The following PTPRR variants were observed in gnomAD, a reference collection of about 807,000 sequenced individuals.
PTPRR encodes the protein protein tyrosine phosphatase receptor type R, also known as receptor-type tyrosine-protein phosphatase R.
Under a neutral mutation model 77.2 loss-of-function variants are expected in PTPRR, and 38 were observed. The observed-to-expected ratio is 0.49, with a 90% CI of 0.38 to 0.65. The LOEUF (loss-of-function observed/expected upper bound fraction) is 0.65. PTPRR is among the 30% of genes least tolerant of loss of function. The pLI is 0.00. For missense variants in PTPRR, 744 were observed against 799.2 expected (o/e 0.93, Z 0.83); for synonymous variants, 299 against 283.1 (o/e 1.06, Z -0.57).
chr12:70,792,998 T>G (rs1210613774), intron 2 of PTPRR, among the ~76,000 whole-genome samples: 1 of 152,164 alleles, frequency 6.6e-6, no homozygotes. Flanking sequence ...AAAAGTTTAT[T>G]GAGACAATGT....
chr12:70,657,752 G>A (rs180743428), intron 12 of PTPRR, among the ~76,000 whole-genome samples: 24 of 152,196 alleles, frequency 1.6e-4, no homozygotes, highest in African/African-American at 4.8e-4. Context: ...TAGAAGTCTT[G>A]GAACCATCTT....
Position 70,735,166 on chromosome 12 carries a change from C to A in PTPRR, c.1007+10652G>T, listed in dbSNP as rs577446411. ...GGGCTTGTGCATGTTTCCAGTGCCT[C>A]CCTCAGCTCTGGACATCCCCATACA... On this transcript the variant is annotated intron_variant, in intron 6 of 13. Transcript: ENST00000283228. Among the ~76,000 whole-genome samples, 10 of 152,230 alleles carry A rather than the reference C, an allele frequency of 6.6e-5. No individual in the cohort carries two copies. In the South Asian group the frequency reaches 2.1e-3, roughly 32 times the overall value.
At position 70,727,847 on chromosome 12, in the gene PTPRR, G is replaced by A. The variant is rs553763759; in HGVS notation, c.1007+17971C>T. Among the ~76,000 whole-genome samples the A allele has an allele frequency of 7.9e-5, 12 of 152,278 alleles. No individual in the cohort carries two copies. The East Asian group carries it at 2.1e-3, about 27-fold the overall frequency. On this transcript the variant is annotated intron_variant, in intron 6 of 13. Coordinates refer to ENST00000283228, the MANE Select transcript of PTPRR (RefSeq NM_002849.4). ...GATTTCACTTGAACATGTTTAGCCCGAGCAGACTGTCTGAGTAAACAACTG... is the reference window on the plus strand; with the variant it reads ...GATTTCACTTGAACATGTTTAGCCCAAGCAGACTGTCTGAGTAAACAACTG...
intron 2 of PTPRR, among the ~76,000 whole-genome samples, chr12:70,765,010 G>A (rs1190930677): frequency 6.6e-6 from 1 of 152,146 alleles, no homozygotes; most frequent in Non-Finnish European, 1.5e-5. Context: ...TAGTTAAAAA[G>A]ATGTATTATA....
At chr12:70,771,989 A>C (rs1197703879) in intron 2 of PTPRR, among the ~76,000 whole-genome samples, 1 of 152,170 alleles carries the variant, frequency 6.6e-6, no homozygotes, top group African/African-American at 2.4e-5. Context: ...AATATTAAAG[A>C]ATTCCTAAAA....
intron 2 of PTPRR, among the ~76,000 whole-genome samples, chr12:70,888,018 A>ATTTGTGTGTGTGTC (rs1555183049): frequency 6.6e-6 from 1 of 150,868 alleles, no homozygotes; most frequent in Non-Finnish European, 1.5e-5. Context: ...GAATGTGTGT[A>ATTTGTGTGTGTGTC]TGTGTGTGTG....
At chr12:70,855,691 T>C (rs1273550339) in intron 2 of PTPRR, among the ~76,000 whole-genome samples, 1 of 152,178 alleles carries the variant, frequency 6.6e-6, no homozygotes, top group Admixed American at 6.6e-5. Context: ...CTCACTGAGA[T>C]ACTTTGAATA....
chr12:70,656,584 A>G, intron 13 of PTPRR, 120 bp downstream of exon 13: 1 of 679,298 alleles, frequency 1.5e-6, no homozygotes. Flanking sequence ...AGCATTTTAC[A>G]AGCATCTCTA....
intron 8 of PTPRR, among the ~76,000 whole-genome samples, chr12:70,689,241 A>G (rs78242620): frequency 6.6e-6 from 1 of 152,184 alleles, no homozygotes; most frequent in Non-Finnish European, 1.5e-5. Flanking sequence ...TATTAGCATG[A>G]TATGATCATT....
At chr12:70,665,072 T>C (rs888467570) in intron 10 of PTPRR, among the ~76,000 whole-genome samples, 1 of 152,154 alleles carries the variant, frequency 6.6e-6, no homozygotes, top group Non-Finnish European at 1.5e-5. Flanking sequence ...TTACAGATAA[T>C]ACTGTGAAAC....
At chr12:70,741,608 T>C (rs1890048791) in intron 6 of PTPRR, among the ~76,000 whole-genome samples, 1 of 152,112 alleles carries the variant, frequency 6.6e-6, no homozygotes, top group Non-Finnish European at 1.5e-5. Context: ...ATGGGCTTTG[T>C]GTTCTAAAGG....
At chr12:70,835,796 T>C (rs926376588) in intron 2 of PTPRR, among the ~76,000 whole-genome samples, 2 of 152,150 alleles carry the variant, frequency 1.3e-5, no homozygotes, top group Non-Finnish European at 2.9e-5. Context: ...AACATTTCAT[T>C]ATAAACATAA....
At chr12:70,747,573 G>A (rs966912169) in intron 5 of PTPRR, among the ~76,000 whole-genome samples, 1 of 152,164 alleles carries the variant, frequency 6.6e-6, no homozygotes, top group Non-Finnish European at 1.5e-5. Flanking sequence ...TCAATTTTAT[G>A]ATTTATATTA....
intron 10 of PTPRR, among the ~76,000 whole-genome samples, chr12:70,670,568 A>G (rs550774175): frequency 6.6e-6 from 1 of 152,366 alleles, no homozygotes; most frequent in Non-Finnish European, 1.5e-5. Flanking sequence ...GCTAGAAAAC[A>G]TCTTCCACTG....
At chr12:70,762,973 A>T (rs1000411507) in intron 3 of PTPRR, among the ~76,000 whole-genome samples, 2 of 152,110 alleles carry the variant, frequency 1.3e-5, no homozygotes, top group Admixed American at 1.3e-4. Context: ...AACAGCTATT[A>T]TGCTCATTAA....
intron 6 of PTPRR, among the ~76,000 whole-genome samples, chr12:70,732,566 T>C (rs530994965): frequency 6.6e-6 from 1 of 152,198 alleles, no homozygotes; most frequent in South Asian, 2.1e-4. Context: ...TTTTTTTTTG[T>C]TTGTTTTCCT....
At position 70,920,679 on chromosome 12, in the gene PTPRR, G is replaced by A. The variant is rs931154479; in HGVS notation, c.-289C>T. 16 of 369,198 alleles carry A rather than the reference G, an allele frequency of 4.3e-5. No individual in the cohort carries two copies. Among genetic ancestry groups the A allele is most frequent in the Non-Finnish European group, 8.3e-5 (16 of 192,810 alleles). 22.9% of individuals were successfully genotyped at this position (369,198 alleles called of 1,614,324 possible). The stretch of plus-strand genomic sequence containing the variant: ...GACGCCCAGAAGCCAAGGCGGAGAC[G>A]GCAGGGTGGACTCCGCGCCAGCCCA... On this transcript the variant is annotated 5_prime_UTR_variant, in exon 1 of 14. Transcript: ENST00000283228.
intron 2 of PTPRR, among the ~76,000 whole-genome samples, chr12:70,800,260 TTCTC>T (rs1040615567): frequency 6.6e-6 from 1 of 150,386 alleles, no homozygotes; most frequent in African/African-American, 2.4e-5. Context: ...AGACATACTG[TTCTC>T]TCTCTTTTTT....
At chr12:70,684,372 A>G in intron 9 of PTPRR, 108 bp from the exon 10 acceptor site, 1 of 1,208,770 alleles carries the variant, frequency 8.3e-7, no homozygotes, top group Admixed American at 2.3e-5. Context: ...CAAAAGCAAC[A>G]CAGGTTACGG....
Sources: allele counts gnomAD v4.1 joint callset (sites outside exome capture counted in the v4.1 genomes callset), GRCh38; gene constraint gnomAD v4.1.1; transcripts MANE v1.5; gene names NCBI Gene and HGNC (gene_info 2026-07-23, HGNC 2026-07-21).